PDZD2: variants seen among roughly 807,000 people sequenced by gnomAD.
PDZD2 encodes the protein PDZ domain containing 2, also known as PDZ domain-containing protein 2.
In PDZD2, 90 loss-of-function variants were observed where a neutral mutation model predicts 220.7. That is an observed-to-expected ratio of 0.41 (90% CI 0.34 to 0.49). The LOEUF is 0.49. Ranked by LOEUF, PDZD2 falls within the 20% of genes least tolerant of loss-of-function variation. PDZD2 has a pLI of 0.28. For missense variants in PDZD2, 3,174 were observed against 3,608.5 expected (o/e 0.88, Z 3.08); for synonymous variants, 1,375 against 1,450.5 (o/e 0.95, Z 1.18).
intron 14 of PDZD2, among the ~76,000 whole-genome samples, chr5:32,065,851 C>G (rs1429058414): frequency 6.6e-6 from 1 of 152,012 alleles, no homozygotes; most frequent in African/African-American, 2.4e-5. Context: ...ATGGGTAAAA[C>G]CCTGTCTCTA....
At chr5:31,926,544 A>AAAG (rs1346555634) in intron 2 of PDZD2, among the ~76,000 whole-genome samples, 2 of 151,574 alleles carry the variant, frequency 1.3e-5, no homozygotes, top group East Asian at 3.9e-4. Flanking sequence ...AAAAAAAAAA[A>AAAG]AGAAAATTAA....
At chr5:31,901,415 CAAAA>C (rs11300764) in intron 2 of PDZD2, among the ~76,000 whole-genome samples, 1 of 136,446 alleles carries the variant, frequency 7.3e-6, no homozygotes, top group Admixed American at 7.4e-5. Context: ...GAGACTGTCT[CAAAA>C]AAAAAAAAAA....
chr5:32,039,745 C>A (rs571721392), intron 7 of PDZD2, among the ~76,000 whole-genome samples: 5 of 140,330 alleles, frequency 3.6e-5, no homozygotes, highest in African/African-American at 1.5e-4. Flanking sequence ...TGCCTCTGCC[C>A]GGCCGCCACC....
chr5:32,073,849 A>G lies in PDZD2; in HGVS notation c.2743A>G (p.Lys915Glu), dbSNP rs1740998605. Residue 915 changes from lysine to glutamate, a missense_variant, in exon 18 of 25, where the codon AAA becomes GAA. Lys to Glu is a moderately conservative substitution (Grantham distance 56, BLOSUM62 1). This residue lies in a region of PDZD2 where 1,861 missense variants were observed against 2,001.0 expected (regional missense o/e 0.93). Transcript: ENST00000438447. ...TCCACCAGCTCACAAGGAGCCTGGA[A>G]AACCCAGAGCCAACAGCCTCGTGAC... is the stretch of plus-strand genomic sequence containing the variant. ...PSTSTHKEPG[K>E]PRANSLVTLG... The G allele has an allele frequency of 1.9e-6, 3 of 1,609,118 alleles. No homozygotes were observed. The highest frequency in any genetic ancestry group is 4.5e-5 in the East Asian group (2 of 44,860).
rs1438859311 is a variant in PDZD2 at position 31,660,348 on chromosome 5, T to G, written c.-361+20911T>G. Among the ~76,000 whole-genome samples, 5 of 152,162 alleles carry G rather than the reference T, an allele frequency of 3.3e-5. No homozygotes were observed. In the East Asian group the frequency reaches 9.6e-4, roughly 29 times the overall value. On this transcript the variant is annotated intron_variant, in intron 1 of 24. Coordinates refer to ENST00000438447, the MANE Select transcript of PDZD2 (RefSeq NM_178140.4). ...AGTAATTCTTTTAAAAATTTTTTTA[T>G]AAAAAAATTTTTTAGAGATGGGGTC...
chr5:31,661,460 G>A (rs1405978659), intron 1 of PDZD2: 1 of 152,168 alleles, frequency 6.6e-6, no homozygotes, highest in East Asian at 1.9e-4. Context: ...GGGAGGAAAG[G>A]AGTCCAAGGG....
chr5:32,060,504 T>C (rs1007047477), intron 13 of PDZD2, among the ~76,000 whole-genome samples: 1 of 152,214 alleles, frequency 6.6e-6, no homozygotes, highest in African/African-American at 2.4e-5. Context: ...TAATAATCAT[T>C]TCAAGATGGT....
At chr5:31,876,316 A>G (rs1024990511) in intron 2 of PDZD2, among the ~76,000 whole-genome samples, 12 of 149,136 alleles carry the variant, frequency 8.0e-5, no homozygotes, top group African/African-American at 2.7e-4. Flanking sequence ...TTTTTTAAAG[A>G]CAGTCTCACT....
intron 2 of PDZD2, among the ~76,000 whole-genome samples, chr5:31,858,525 A>T (rs1398176654): frequency 6.6e-6 from 1 of 152,218 alleles, no homozygotes; most frequent in African/African-American, 2.4e-5. Context: ...TGAAACAAAG[A>T]TGATTACAGC....
At chr5:32,009,195 T>G (rs1035029460) in intron 5 of PDZD2, among the ~76,000 whole-genome samples, 1 of 150,446 alleles carries the variant, frequency 6.6e-6, no homozygotes, top group Non-Finnish European at 1.5e-5. Flanking sequence ...AATACAAAAA[T>G]TAGCCAGGCA....
At chr5:31,772,918 G>A (rs1467400340) in intron 1 of PDZD2, among the ~76,000 whole-genome samples, 2 of 152,140 alleles carry the variant, frequency 1.3e-5, no homozygotes, top group African/African-American at 2.4e-5. Context: ...ATAGACACAC[G>A]TGTTGCTCAC....
intron 1 of PDZD2, among the ~76,000 whole-genome samples, chr5:31,766,650 C>T (rs1752030844): frequency 6.6e-6 from 1 of 152,164 alleles, no homozygotes; most frequent in Admixed American, 6.5e-5. Context: ...CCTCAGCCTC[C>T]CAAAGTGCTG....
At chr5:32,069,733 A>G in intron 15 of PDZD2, 83 bp downstream of exon 15, 1 of 732,030 alleles carries the variant, frequency 1.4e-6, no homozygotes, top group East Asian at 2.6e-5. Flanking sequence ...GTGCAGTATT[A>G]TTGGATTCTT....
intron 1 of PDZD2, among the ~76,000 whole-genome samples, chr5:31,674,771 T>G (rs1314108504): frequency 2.0e-5 from 3 of 152,204 alleles, no homozygotes; most frequent in Non-Finnish European, 4.4e-5. Flanking sequence ...TGGCTGCTCT[T>G]TGTGGCGGGT....
At chr5:31,766,644 A>C (rs1254953689) in intron 1 of PDZD2, among the ~76,000 whole-genome samples, 1 of 152,144 alleles carries the variant, frequency 6.6e-6, no homozygotes, top group Non-Finnish European at 1.5e-5. Context: ...TGCCCGCCTC[A>C]GCCTCCCAAA....
intron 1 of PDZD2, among the ~76,000 whole-genome samples, chr5:31,771,601 G>A (rs1303341974): frequency 1.3e-5 from 2 of 152,228 alleles, no homozygotes; most frequent in Non-Finnish European, 2.9e-5. Context: ...AAGGAGGCCA[G>A]TGTAGGTACT....
intron 1 of PDZD2, among the ~76,000 whole-genome samples, chr5:31,778,331 C>G (rs1056876634): frequency 6.6e-6 from 1 of 152,190 alleles, no homozygotes; most frequent in Non-Finnish European, 1.5e-5. Flanking sequence ...GGGTCCCCTT[C>G]CACACTGTGG....
chr5:31,861,622 G>A (rs947887789), intron 2 of PDZD2, among the ~76,000 whole-genome samples: 3 of 152,170 alleles, frequency 2.0e-5, no homozygotes, highest in Non-Finnish European at 4.4e-5. Flanking sequence ...ACTGAAGTGA[G>A]GACTGCTTTT....
chr5:31,714,784 C>G (rs1040613724), intron 1 of PDZD2, among the ~76,000 whole-genome samples: 1 of 151,986 alleles, frequency 6.6e-6, no homozygotes, highest in Non-Finnish European at 1.5e-5. Flanking sequence ...TGGGGCCAGG[C>G]GCAGTTGCTC....
Sources: allele counts gnomAD v4.1 joint callset (sites outside exome capture counted in the v4.1 genomes callset), GRCh38; gene constraint gnomAD v4.1.1; regional missense constraint gnomAD v4.1.1; transcripts MANE v1.5; gene names NCBI Gene and HGNC (gene_info 2026-07-23, HGNC 2026-07-21).